ALDH8A1: variants seen among roughly 807,000 people sequenced by gnomAD.
ALDH8A1 encodes aldehyde dehydrogenase 8 family member A1, also known as 2-aminomuconic semialdehyde dehydrogenase.
In ALDH8A1, 39 loss-of-function variants were observed where a neutral mutation model predicts 43.3. That is an observed-to-expected ratio of 0.90 (90% CI 0.70 to 1.18). ALDH8A1 has a LOEUF of 1.18. ALDH8A1 is among the 50% of genes most tolerant of loss of function. ALDH8A1 has a pLI of 0.00. For synonymous variants in ALDH8A1, 233 were observed against 243.5 expected (o/e 0.96, Z 0.40); for missense variants, 605 against 622.6 (o/e 0.97, Z 0.30).
chr6:134,941,040 A>C (rs1773843778), intron 3 of ALDH8A1, among the ~76,000 whole-genome samples: 1 of 152,198 alleles, frequency 6.6e-6, no homozygotes, highest in African/African-American at 2.4e-5. Context: ...CATCTGGTGG[A>C]AGGTTTTAGT....
At chr6:134,942,020 G>A (rs930876252) in intron 3 of ALDH8A1, among the ~76,000 whole-genome samples, 1 of 151,912 alleles carries the variant, frequency 6.6e-6, no homozygotes, top group African/African-American at 2.4e-5. Context: ...AGGAGTTTGA[G>A]ATCAGCCTGG....
chr6:134,932,735 AG>A, intron 5 of ALDH8A1, 40 bp downstream of exon 5: 1 of 1,600,082 alleles, frequency 6.2e-7, no homozygotes, highest in Non-Finnish European at 8.5e-7. Flanking sequence ...CCAGCTTGAC[AG>A]GGCCATGGAG....
intron 4 of ALDH8A1, among the ~76,000 whole-genome samples, chr6:134,933,367 G>A (rs1224165051): frequency 1.3e-5 from 2 of 152,204 alleles, no homozygotes; most frequent in African/African-American, 4.8e-5. Context: ...GTCTCAGGCA[G>A]GTCAAGCCCA....
intron 4 of ALDH8A1, among the ~76,000 whole-genome samples, chr6:134,934,477 C>T (rs1337315755): frequency 2.0e-5 from 3 of 152,168 alleles, no homozygotes; most frequent in Admixed American, 1.3e-4. Context: ...AAACTGATCA[C>T]CATCTCGACT....
chr6:134,932,746 G>A, intron 5 of ALDH8A1, 30 bp downstream of exon 5: 3 of 1,607,386 alleles, frequency 1.9e-6, no homozygotes, highest in African/African-American at 1.3e-5. Flanking sequence ...GGGCCATGGA[G>A]GGGAGGGAGA....
At chr6:134,925,619 C>T (rs542915885) in intron 6 of ALDH8A1, among the ~76,000 whole-genome samples, 10 of 152,258 alleles carry the variant, frequency 6.6e-5, no homozygotes, top group Non-Finnish European at 1.5e-4. Context: ...CTACTATGTT[C>T]CAGGAGCTTT....
intron 3 of ALDH8A1, among the ~76,000 whole-genome samples, chr6:134,940,778 A>T (rs1773839077): frequency 6.6e-6 from 1 of 152,248 alleles, no homozygotes; most frequent in Non-Finnish European, 1.5e-5. Flanking sequence ...CTATGAAAGT[A>T]AATGCATCTT....
rs745792591 is a variant in ALDH8A1 at position 134,932,989 on chromosome 6, G to A, written c.636C>T (p.Pro212=). Residue 212 remains proline, a synonymous_variant, in exon 5 of 7, where the codon CCC becomes CCT. Transcript: ENST00000265605. ...GGGACACCAGGGCCTCACCCACCCT[G>A]GGCCCGGTTCCAAACACAATATTGA... ...GVVNIVFGTG[P]RVGEALVSHP... The A allele has an allele frequency of 1.2e-6, 2 of 1,608,202 alleles. No homozygotes were observed. The highest frequency in any genetic ancestry group is 2.7e-5 in the African/African-American group (2 of 74,818).
chr6:134,932,841 T>A lies in ALDH8A1; in HGVS notation c.784A>T (p.Ile262Phe), dbSNP rs773771358. 8 of 1,614,180 alleles carry A rather than the reference T, an allele frequency of 5.0e-6. No individual in the cohort carries two copies. The Admixed American group carries it at 1.2e-4, about 24-fold the overall frequency. ...TCATCCAGGTTGGCGTCCTCAAAGATGATGGCAGGATTCTTGCCCCCCAGC... is the reference window on the plus strand; with the variant it reads ...TCATCCAGGTTGGCGTCCTCAAAGAAGATGGCAGGATTCTTGCCCCCCAGC... ...LELGGKNPAI[I>F]FEDANLDECI... Residue 262 changes from isoleucine to phenylalanine, a missense_variant, in exon 5 of 7, where the codon ATC (isoleucine) becomes TTC (phenylalanine). Transcript: ENST00000265605.
chr6:134,930,069 T>C (rs1294353820), intron 5 of ALDH8A1, among the ~76,000 whole-genome samples: 3 of 152,144 alleles, frequency 2.0e-5, no homozygotes, highest in Non-Finnish European at 4.4e-5. Flanking sequence ...ACCTCCGAAG[T>C]GTGATGAAGT....
At chr6:134,933,749 C>T (rs886211323) in intron 4 of ALDH8A1, among the ~76,000 whole-genome samples, 1 of 152,106 alleles carries the variant, frequency 6.6e-6, no homozygotes, top group Admixed American at 6.5e-5. Context: ...GGCTCTATTG[C>T]CAAGGCTGCA....
In ALDH8A1 at chr6:134,929,052, A is replaced by G; in HGVS notation, c.1011+2T>C. The stretch of plus-strand genomic sequence containing the variant: ...TAACTTACATGGCAGAAATTTACTT[A>G]CTTTCTCCAAATGTGCTTTACTTAT... On this transcript the variant is annotated splice_donor_variant, in intron 6 of 6. Coordinates refer to ENST00000265605, the MANE Select transcript of ALDH8A1 (RefSeq NM_022568.4). LOFTEE classifies it high-confidence loss of function. The G allele has an allele frequency of 1.1e-5, 17 of 1,612,710 alleles. No individual in the cohort carries two copies. The highest frequency in any genetic ancestry group is 1.4e-5 in the Non-Finnish European group (17 of 1,179,612).
intron 5 of ALDH8A1, 57 bp downstream of exon 5, chr6:134,932,719 A>G (rs1777004904): frequency 1.3e-6 from 2 of 1,586,798 alleles, no homozygotes; most frequent in Admixed American, 1.7e-5. Flanking sequence ...CTGTGATAAA[A>G]CAGATCCAGC....
chr6:134,920,316 T>C (rs1776778455), intron 6 of ALDH8A1, among the ~76,000 whole-genome samples: 1 of 152,192 alleles, frequency 6.6e-6, no homozygotes, highest in Non-Finnish European at 1.5e-5. Context: ...GCTATTCTAG[T>C]TTGTGGGTAG....
chr6:134,946,405 T>A (rs142234407), intron 1 of ALDH8A1, among the ~76,000 whole-genome samples: 2 of 152,306 alleles, frequency 1.3e-5, no homozygotes, highest in East Asian at 3.9e-4. Context: ...TTCAGAAAAT[T>A]CAAGTCCACT....
In ALDH8A1 at chr6:134,940,323, C is replaced by A. The variant is rs1473477575; in HGVS notation, c.443-908G>T. The A allele has an allele frequency of 2.6e-5, 5 of 194,260 alleles. No homozygotes were observed. In the East Asian group the frequency reaches 6.3e-4, roughly 24 times the overall value. 12.0% of individuals were successfully genotyped at this position (194,260 alleles called of 1,614,324 possible). A position where few individuals can be genotyped will look rare whatever the true frequency, so the allele number is the denominator to read the frequency against. ...ATTTATAGACTGAGCTTTACTTTTT[C>A]AAAAATGTCTCCTTCCCCATTATTT... On this transcript the variant is annotated intron_variant, in intron 3 of 6. Coordinates refer to ENST00000265605, the MANE Select transcript of ALDH8A1 (RefSeq NM_022568.4).
In ALDH8A1 at chr6:134,933,008, A is replaced by G. The variant is rs768312705; in HGVS notation, c.617T>C (p.Ile206Thr). ...CACCCTGGGCCCGGTTCCAAACACA[A>G]TATTGACCACACCTGGTGGAACACC... ...KAGVPPGVVNIVFGTGPRVGE... is the reference protein window; with the variant it reads ...KAGVPPGVVNTVFGTGPRVGE... The change falls in exon 5 of 7, where the codon ATT (isoleucine) becomes ACT (threonine). Residue 206 changes from isoleucine (I) to threonine (T), a missense_variant. Transcript: ENST00000265605. 5.8e-5 allele frequency: 93 copies of G among 1,594,062 alleles called. No individual in the cohort carries two copies. The highest frequency in any genetic ancestry group is 7.8e-5 in the Non-Finnish European group (91 of 1,170,350).
intron 1 of ALDH8A1, 94 bp from the exon 2 acceptor site, chr6:134,944,060 TTTTTG>T (rs4646872): frequency 5.9e-4 from 771 of 1,297,216 alleles, no homozygotes; most frequent in Non-Finnish European, 7.4e-4. Flanking sequence ...ACACACCTCA[TTTTTG>T]TTTTGTTTTG....
At chr6:134,939,493 C>A in intron 3 of ALDH8A1, 78 bp from the exon 4 acceptor site, 1 of 1,498,154 alleles carries the variant, frequency 6.7e-7, no homozygotes, top group Non-Finnish European at 9.0e-7. Context: ...GTTATTAACG[C>A]AAAACTCCTT....
Sources: gnomAD v4.1 joint callset for allele counts (sites outside exome capture counted in the v4.1 genomes callset) on GRCh38, gnomAD v4.1.1 for gene constraint, MANE v1.5 for transcripts, NCBI Gene and HGNC (gene_info 2026-07-23, HGNC 2026-07-21) for gene names.